Variants in EIF4G1 observed in about 807,000 individuals in gnomAD.
The protein encoded by EIF4G1 is EIF4-gamma.
EIF4G1 carries 4 observed loss-of-function variants against 187.8 expected under a neutral mutation model. The ratio of observed to expected loss-of-function variants is 0.02; its 90% CI spans 0.01 to 0.05. The LOEUF (loss-of-function observed/expected upper bound fraction) is 0.05. Among genes scored for constraint, EIF4G1 ranks in the 10% least tolerant of loss-of-function variants. The pLI is 1.00. For synonymous variants in EIF4G1, 844 were observed against 781.4 expected (o/e 1.08, Z -1.34); for missense variants, 1,647 against 2,081.1 (o/e 0.79, Z 4.06).
rs750797746 is a variant in EIF4G1 at position 184,322,683 on chromosome 3, A to G, written c.1748A>G (p.Asn583Ser). Residue 583 changes from asparagine (N) to serine (S), a missense_variant, in exon 12 of 33, where the codon AAT (asparagine) becomes AGT (serine). Physicochemically the swap from Asn to Ser is conservative, Grantham distance 46. Transcript: ENST00000346169. ...TWDSKEDKIH[N>S]AENIQPGEQK... ...GACTCAAAGGAAGACAAAATTCACA[A>G]TGCTGAGAACATCCAGCCCGGGGAA... 6.2e-7 allele frequency: 1 copy of G among 1,614,216 alleles called. No homozygotes were observed. Among genetic ancestry groups the G allele is most frequent in the East Asian group, 2.2e-5 (1 of 44,882 alleles).
At chr3:184,317,651 T>A (rs1459454263) in intron 5 of EIF4G1, 66 bp from the exon 6 acceptor site, 1 of 1,543,158 alleles carries the variant, frequency 6.5e-7, no homozygotes, top group Admixed American at 1.7e-5. Context: ...TATGTTCTTT[T>A]TGGAGTCTGA....
chr3:184,327,018 G>T (rs1449983816), intron 23 of EIF4G1, 35 bp downstream of exon 23: 6 of 1,612,478 alleles, frequency 3.7e-6, no homozygotes, highest in African/African-American at 1.3e-5. Context: ...TATTCACACT[G>T]GGGGTACCGT....
In EIF4G1 at chr3:184,324,313, A is replaced by C. The variant is rs1724438440; in HGVS notation, c.2585A>C (p.Glu862Ala). 4 of 1,614,226 alleles carry C rather than the reference A, an allele frequency of 2.5e-6. No homozygotes were observed. The highest frequency in any genetic ancestry group is 3.4e-6 in the Non-Finnish European group (4 of 1,180,046). Residue 862 changes from glutamate to alanine, a missense_variant, in exon 17 of 33, where the codon GAG becomes GCG. Physicochemically the swap from Glu to Ala is moderately radical, Grantham distance 107. Coordinates refer to ENST00000346169, the MANE Select transcript of EIF4G1 (RefSeq NM_198241.3). Reference sequence around the variant, plus strand: ...GACAAAGATGATGATGAGGTTTTTGAGAAGAAGCAAAAAGAGATGGATGAA... The same window carrying C: ...GACAAAGATGATGATGAGGTTTTTGCGAAGAAGCAAAAAGAGATGGATGAA... ...EKDKDDDEVF[E>A]KKQKEMDEAA...
At chr3:184,317,165 C>T (rs147682017) in intron 4 of EIF4G1, among the ~76,000 whole-genome samples, 156 bp from the exon 5 acceptor site, 10 of 152,206 alleles carry the variant, frequency 6.6e-5, no homozygotes, top group South Asian at 4.2e-4. Flanking sequence ...TACAAGAAGC[C>T]GCTTAGCCAT....
intron 27 of EIF4G1, 49 bp from the exon 28 acceptor site, chr3:184,328,860 G>A (rs1229053919): frequency 1.2e-6 from 2 of 1,613,928 alleles, no homozygotes; most frequent in Admixed American, 3.3e-5. Flanking sequence ...TGGAGTAGTG[G>A]TGAGAGAACT....
chr3:184,322,255 C>A lies in EIF4G1; in HGVS notation c.1520-107C>A. 5.9e-6 allele frequency: 9 copies of A among 1,519,742 alleles called. No individual in the cohort carries two copies. The South Asian group carries it at 1.0e-4, about 18-fold the overall frequency. The allele number at this position is 1,519,742 out of a possible 1,614,324, so 94.1% of individuals were successfully genotyped here. A position where few individuals can be genotyped will look rare whatever the true frequency, so the allele number is the denominator to read the frequency against. On this transcript the variant is annotated intron_variant, in intron 10 of 32. Transcript: ENST00000346169. ...ACTTTTAAGCCTAAAAAGGGTGATG[C>A]AAAGGGGAAATACTGTTCTTTGGCT...
intron 1 of EIF4G1, 47 bp from the exon 2 acceptor site, chr3:184,315,442 C>G (rs755150739): frequency 1.8e-6 from 1 of 571,046 alleles, no homozygotes; most frequent in South Asian, 1.4e-5. Context: ...TCTGGTTGGT[C>G]TGGGGCCCCG....
In EIF4G1 at chr3:184,323,190, C is replaced by T. The variant is rs1366632247; in HGVS notation, c.2037C>T (p.Ser679=). Residue 679 remains serine (S), a synonymous_variant, in exon 14 of 33, where the codon AGC becomes AGT. Coordinates refer to ENST00000346169, the MANE Select transcript of EIF4G1 (RefSeq NM_198241.3). This position sits in a 1 kb window ranked among gnomAD's most constrained non-coding sequence, Gnocchi z 6.9. Reference sequence around the variant, plus strand: ...CCAACCTTGGCCGGACAACCCTTAGCACCCGTGGGCCCCCAAGGGGTGGGC... The same window carrying T: ...CCAACCTTGGCCGGACAACCCTTAGTACCCGTGGGCCCCCAAGGGGTGGGC... ...SFANLGRTTL[S]TRGPPRGGPG... The T allele has an allele frequency of 1.9e-6, 3 of 1,614,256 alleles. No homozygotes were observed. The highest frequency in any genetic ancestry group is 8.5e-7 in the Non-Finnish European group (1 of 1,180,040).
chr3:184,325,030 T>G lies in EIF4G1; in HGVS notation c.2772T>G (p.Leu924=). ...TGCATGACTGTGTGGTCAAACTGCTTAAGAACCATGATGAAGAGTCCCTTG... is the reference window on the plus strand; with the variant it reads ...TGCATGACTGTGTGGTCAAACTGCTGAAGAACCATGATGAAGAGTCCCTTG... ...AIMHDCVVKL[L]KNHDEESLEC... The change falls in exon 18 of 33, where the codon CTT becomes CTG. Residue 924 remains leucine (L), a synonymous_variant. Coordinates refer to ENST00000346169, the MANE Select transcript of EIF4G1 (RefSeq NM_198241.3). The surrounding 1 kb of genome is among the most constrained non-coding windows in gnomAD (Gnocchi z 5.2). 6.2e-7 allele frequency: 1 copy of G among 1,614,148 alleles called. No individual in the cohort carries two copies. The highest frequency in any genetic ancestry group is 8.5e-7 in the Non-Finnish European group (1 of 1,180,040).
chr3:184,321,086 A>T lies in EIF4G1; in HGVS notation c.697+93A>T, dbSNP rs9846954. 402,839 of 1,524,358 alleles carry T rather than the reference A, an allele frequency of 0.26. 59,374 individuals are homozygous for T. Among genetic ancestry groups the T allele is most frequent in the African/African-American group, 0.55 (40,013 of 72,672 alleles). 94.4% of individuals were successfully genotyped at this position (1,524,358 alleles called of 1,614,324 possible). A position where few individuals can be genotyped will look rare whatever the true frequency, so the allele number is the denominator to read the frequency against. Reference sequence around the variant, plus strand: ...TGGAGTGACTTGAACTGGGTACCAGAGAATGATGACTTAGATTTCAGGTTG... The same window carrying T: ...TGGAGTGACTTGAACTGGGTACCAGTGAATGATGACTTAGATTTCAGGTTG... On this transcript the variant is annotated intron_variant, in intron 9 of 32. Transcript: ENST00000346169.
chr3:184,331,803 A>G lies in EIF4G1; in HGVS notation c.4471A>G (p.Ile1491Val), dbSNP rs753002754. 2.5e-6 allele frequency: 4 copies of G among 1,614,012 alleles called. No individual in the cohort carries two copies. The highest frequency in any genetic ancestry group is 2.2e-5 in the East Asian group (1 of 44,898). Residue 1491 changes from isoleucine (I) to valine (V), a missense_variant, in exon 31 of 33, where the codon ATT (isoleucine) becomes GTT (valine). Ile to Val is a conservative substitution (Grantham distance 29). This residue lies in a region of EIF4G1 where 543 missense variants were observed against 638.0 expected (regional missense o/e 0.85). Transcript: ENST00000346169. ...ALMTAVCYSA[I>V]IFETPLRVDV... ...CATGACGGCTGTCTGCTATTCTGCA[A>G]TTATTTGTAAGAGGAACCAGGGAGA...
At position 184,321,413 on chromosome 3, in the gene EIF4G1, G is replaced by A; in HGVS notation, c.829G>A (p.Glu277Lys). The A allele has an allele frequency of 1.2e-6, 2 of 1,614,118 alleles. No individual in the cohort carries two copies. Among genetic ancestry groups the A allele is most frequent in the Non-Finnish European group, 1.7e-6 (2 of 1,180,026 alleles). The change falls in exon 10 of 33, where the codon GAG (glutamate) becomes AAG (lysine). Residue 277 changes from glutamate (E) to lysine (K), a missense_variant. By Grantham distance (56) the Glu-to-Lys change is moderately conservative (BLOSUM62 1). Transcript: ENST00000346169. ...ATCCCCAGTCTTGGAACCGGGGTCTGAGCCTAATCTCGCAGTCCTCTCTAT... is the reference window on the plus strand; with the variant it reads ...ATCCCCAGTCTTGGAACCGGGGTCTAAGCCTAATCTCGCAGTCCTCTCTAT... ...SPSPVLEPGS[E>K]PNLAVLSIPG...
At position 184,327,644 on chromosome 3, in the gene EIF4G1, G is replaced by C; in HGVS notation, c.3720G>C (p.Glu1240Asp). The change falls in exon 25 of 33, where the codon GAG (glutamate) becomes GAC (aspartate). Residue 1240 changes from glutamate (E) to aspartate (D), a missense_variant. This residue lies in a region of EIF4G1 where 543 missense variants were observed against 638.0 expected (regional missense o/e 0.85). Coordinates refer to ENST00000346169, the MANE Select transcript of EIF4G1 (RefSeq NM_198241.3). ...VSPLKAALSE[E>D]ELEKKSKAII... ...CCCTGAAGGCGGCTCTCTCTGAGGAGGAGTTAGAGAAGAAATCCAAGGCTA... is the reference window on the plus strand; with the variant it reads ...CCCTGAAGGCGGCTCTCTCTGAGGACGAGTTAGAGAAGAAATCCAAGGCTA... 6.2e-7 allele frequency: 1 copy of C among 1,614,224 alleles called. No individual in the cohort carries two copies.
rs748550276 is a variant in EIF4G1 at position 184,331,622 on chromosome 3, A to C, written c.4395+16A>C. The C allele has an allele frequency of 2.0e-5, 23 of 1,177,784 alleles. No individual in the cohort carries two copies. The Admixed American group carries it at 2.8e-4, about 14-fold the overall frequency. The allele number at this position is 1,177,784 out of a possible 1,614,324, so 73.0% of individuals were successfully genotyped here. The stretch of plus-strand genomic sequence containing the variant: ...CTGGATAGAGGTAGGTTTCTCCTGG[A>C]TATCGATAAAGGAAAGGTAGTTCTT... On this transcript the variant is annotated intron_variant, in intron 30 of 32. Transcript: ENST00000346169.
In EIF4G1 at chr3:184,326,995, T is replaced by C; in HGVS notation, c.3428+12T>C. 1.2e-6 allele frequency: 2 copies of C among 1,614,188 alleles called. No individual in the cohort carries two copies. Among genetic ancestry groups the C allele is most frequent in the Non-Finnish European group, 1.7e-6 (2 of 1,180,002 alleles). Reference sequence around the variant, plus strand: ...CGTGTGGTGCAGAGGTGAGGTTTCCTGGACATCTTTGTTATTCACACTGGG... The same window carrying C: ...CGTGTGGTGCAGAGGTGAGGTTTCCCGGACATCTTTGTTATTCACACTGGG... On this transcript the variant is annotated intron_variant, in intron 23 of 32. Coordinates refer to ENST00000346169, the MANE Select transcript of EIF4G1 (RefSeq NM_198241.3).
chr3:184,328,585 G>A (rs936948608), intron 26 of EIF4G1, 46 bp from the exon 27 acceptor site: 2 of 1,614,010 alleles, frequency 1.2e-6, no homozygotes, highest in Non-Finnish European at 1.7e-6. Context: ...CAGAAGGAGA[G>A]TGGGGACCTG....
Position 184,317,705 on chromosome 3 carries a change from C to T in EIF4G1, c.325-12C>T, listed in dbSNP as rs1374135612. ...CTCAACTCCTTCTCTCCCTCTCCCC[C>T]TTCCCCACCAGGGGCGTTCCACATA... On this transcript the variant is annotated splice_polypyrimidine_tract_variant and intron_variant, in intron 5 of 32. Transcript: ENST00000346169. The T allele has an allele frequency of 1.2e-6, 2 of 1,611,534 alleles. No homozygotes were observed. Among genetic ancestry groups the T allele is most frequent in the African/African-American group, 2.7e-5 (2 of 74,888 alleles).
intron 32 of EIF4G1, among the ~76,000 whole-genome samples, chr3:184,333,825 CAG>C (rs1338144120): frequency 6.6e-6 from 1 of 152,114 alleles, no homozygotes; most frequent in Non-Finnish European, 1.5e-5. Flanking sequence ...AAATACAGGG[CAG>C]AGTGCATAAT....
chr3:184,332,475 T>C (rs1455192652), intron 32 of EIF4G1, among the ~76,000 whole-genome samples: 1 of 152,184 alleles, frequency 6.6e-6, no homozygotes, highest in Non-Finnish European at 1.5e-5. Flanking sequence ...ATTTTCCACA[T>C]GAGGAGACTG....
Sources: allele counts gnomAD v4.1 joint callset (sites outside exome capture counted in the v4.1 genomes callset), GRCh38; gene constraint gnomAD v4.1.1; regional missense constraint gnomAD v4.1.1; non-coding constraint Gnocchi (gnomAD v3.1); transcripts MANE v1.5; gene names NCBI Gene and HGNC (gene_info 2026-07-23, HGNC 2026-07-21).